Variants in ASB10 observed in about 807,000 individuals in gnomAD.
The protein encoded by ASB10 is ankyrin repeat and SOCS box containing 10, also known as ankyrin repeat and SOCS box protein 10.
ASB10 carries 44 observed loss-of-function variants against 35.4 expected under a neutral mutation model. The ratio of observed to expected loss-of-function variants is 1.24; its 90% CI spans 0.98 to 1.60. ASB10 has a LOEUF of 1.60. Among genes scored for constraint, ASB10 ranks in the 40% most tolerant of loss-of-function variants. The probability of loss-of-function intolerance (pLI) is 0.00; values close to 1 mark genes in which losing one functional copy is unlikely to be tolerated. For synonymous variants in ASB10, 294 were observed against 280.4 expected (o/e 1.05, Z -0.49); for missense variants, 647 against 634.3 (o/e 1.02, Z -0.22).
chr7:151,182,310 G>A lies in ASB10; in HGVS notation c.585-852C>T, dbSNP rs966130251. On this transcript the variant is annotated intron_variant, in intron 2 of 5. Coordinates refer to ENST00000420175, the MANE Select transcript of ASB10 (RefSeq NM_001142459.2). ...CAAGACTGATTGGCTGGGCATGGTG[G>A]CTCATGCCTATAATCCCAGCACTTT... Among the ~76,000 whole-genome samples, 23 of 152,210 alleles carry A rather than the reference G, an allele frequency of 1.5e-4. 1 individual carries two copies. The highest frequency in any genetic ancestry group is 3.2e-4 in the Non-Finnish European group (22 of 68,034).
Position 151,176,215 on chromosome 7 carries a change from C to A in ASB10, c.1301G>T (p.Arg434Leu), listed in dbSNP as rs758074125. Residue 434 changes from arginine (R) to leucine (L), a missense_variant, in exon 5 of 6, where the codon CGC (arginine) becomes CTC (leucine). Transcript: ENST00000420175. ...SLQHLSRCAL[R>L]SHLEGSLPQA... is the part of the protein sequence containing the mutation. ...GGGCAGGCTGCCCTCCAGGTGGGAG[C>A]GGAGCGCACAGCGGCTCAAATGCTG... 1 of 1,607,636 alleles carries A rather than the reference C, an allele frequency of 6.2e-7. No homozygotes were observed. Among genetic ancestry groups the A allele is most frequent in the Non-Finnish European group, 8.5e-7 (1 of 1,177,900 alleles).
intron 2 of ASB10, among the ~76,000 whole-genome samples, chr7:151,181,711 C>T (rs1801498967): frequency 6.6e-6 from 1 of 151,740 alleles, no homozygotes; most frequent in Admixed American, 6.6e-5. Context: ...CTCCCGGGTT[C>T]AAGCGATTCT....
At position 151,180,941 on chromosome 7, in the gene ASB10, TG is replaced by T; in HGVS notation, c.1101del (p.Lys368ArgfsTer16). The T allele has an allele frequency of 6.5e-7, 1 of 1,527,172 alleles. No individual in the cohort carries two copies. The allele number at this position is 1,527,172 out of a possible 1,614,324, so 94.6% of individuals were successfully genotyped here. ...CCTGCTGCCTGCAGCCCCCATACCT[TG>T]GGGAGGGCCCCTGGCCAGACACGGA... Reference protein sequence around the residue: ...GAVRVWPGALPKVLERWSTCP... With the variant: ...GAVRVWPGALXKVLERWSTCP... On this transcript the variant is annotated frameshift_variant, in exon 3 of 6. Transcript: ENST00000420175. LOFTEE classifies it high-confidence loss of function.
At position 151,181,176 on chromosome 7, in the gene ASB10, A is replaced by G. The variant is rs769580402; in HGVS notation, c.867T>C (p.Ala289=). 6.0e-5 allele frequency: 96 copies of G among 1,611,162 alleles called. No homozygotes were observed. The highest frequency in any genetic ancestry group is 7.6e-5 in the Non-Finnish European group (90 of 1,178,810). The part of the protein sequence containing the change: ...LLLSAGADAD[A]ADQDKQRPLH... The stretch of plus-strand genomic sequence containing the variant: ...GGGGTCGCTGCTTGTCCTGGTCCGC[A>G]GCATCAGCGTCTGCTCCAGCTGAAA... Residue 289 remains alanine (A), a synonymous_variant, in exon 3 of 6, where the codon GCT becomes GCC. Coordinates refer to ENST00000420175, the MANE Select transcript of ASB10 (RefSeq NM_001142459.2).
chr7:151,186,803 C>T lies in ASB10; in HGVS notation c.316+12G>A. ...CTCTCCCACTGAGAGCCCCCAGTGC[C>T]CCGGCCCGTACTCAGAGCACGGATG... On this transcript the variant is annotated intron_variant, in intron 1 of 5. Coordinates refer to ENST00000420175, the MANE Select transcript of ASB10 (RefSeq NM_001142459.2). 1.3e-6 allele frequency: 2 copies of T among 1,571,684 alleles called. No individual in the cohort carries two copies. The highest frequency in any genetic ancestry group is 1.7e-6 in the Non-Finnish European group (2 of 1,155,274).
chr7:151,180,943 G>A lies in ASB10; in HGVS notation c.1100C>T (p.Pro367Leu), dbSNP rs1801472880. 2 of 1,529,678 alleles carry A rather than the reference G, an allele frequency of 1.3e-6. No homozygotes were observed. Among genetic ancestry groups the A allele is most frequent in the African/African-American group, 1.4e-5 (1 of 72,928 alleles). 94.8% of individuals were successfully genotyped at this position (1,529,678 alleles called of 1,614,324 possible). The change falls in exon 3 of 6, where the codon CCC becomes CTC. Residue 367 changes from proline (P) to leucine (L), a missense_variant. Transcript: ENST00000420175. ...GAVRVWPGAL[P>L]KVLERWSTCP... ...TGCTGCCTGCAGCCCCCATACCTTG[G>A]GGAGGGCCCCTGGCCAGACACGGAC... is the stretch of plus-strand genomic sequence containing the variant.
Position 151,181,313 on chromosome 7 carries a change from G to A in ASB10, c.730C>T (p.Arg244Cys), listed in dbSNP as rs199755542. The part of the protein sequence containing the change: ...LLRRGACPDA[R>C]NAEGWTPLLA... ...AGTGGGGTCCAGCCTTCGGCATTGC[G>A]GGCATCAGGACATGCCCCCCGTCTT... Residue 244 changes from arginine (R) to cysteine (C), a missense_variant, in exon 3 of 6, where the codon CGC (arginine) becomes TGC (cysteine). Coordinates refer to ENST00000420175, the MANE Select transcript of ASB10 (RefSeq NM_001142459.2). The A allele has an allele frequency of 2.0e-5, 32 of 1,613,226 alleles. No individual in the cohort carries two copies. Among genetic ancestry groups the A allele is most frequent in the Middle Eastern group, 3.3e-4 (2 of 6,062 alleles).
chr7:151,185,446 A>G (rs1454903789), intron 2 of ASB10, among the ~76,000 whole-genome samples: 1 of 152,108 alleles, frequency 6.6e-6, no homozygotes, highest in Admixed American at 6.6e-5. Flanking sequence ...TAGGGCTGCT[A>G]GAACACTGTA....
intron 3 of ASB10, among the ~76,000 whole-genome samples, chr7:151,179,122 T>A (rs1801442155): frequency 6.6e-6 from 1 of 152,232 alleles, no homozygotes; most frequent in Non-Finnish European, 1.5e-5. Flanking sequence ...TTCTCATACA[T>A]TACATAACAA....
intron 2 of ASB10, among the ~76,000 whole-genome samples, chr7:151,181,911 C>T (rs1201147582): frequency 6.6e-6 from 1 of 152,148 alleles, no homozygotes; most frequent in East Asian, 1.9e-4. Context: ...CTGTGCCTGG[C>T]CAACAGTGTC....
chr7:151,181,533 G>A, intron 2 of ASB10, 75 bp from the exon 3 acceptor site: 1 of 1,470,188 alleles, frequency 6.8e-7, no homozygotes, highest in South Asian at 1.4e-5. Flanking sequence ...GTGGCTCTTG[G>A]TTCTGTCTCC....
intron 2 of ASB10, among the ~76,000 whole-genome samples, chr7:151,183,448 C>T (rs1801531117): frequency 6.6e-6 from 1 of 152,088 alleles, no homozygotes; most frequent in African/African-American, 2.4e-5. Context: ...CTCTCTGTCA[C>T]CCAGGCTGGA....
At position 151,186,915 on chromosome 7, in the gene ASB10, G is replaced by T; in HGVS notation, c.216C>A (p.Arg72=). The T allele has an allele frequency of 2.5e-6, 4 of 1,614,038 alleles. No individual in the cohort carries two copies. The highest frequency in any genetic ancestry group is 3.4e-6 in the Non-Finnish European group (4 of 1,180,034). Residue 72 remains arginine, a synonymous_variant, in exon 1 of 6, where the codon CGC becomes CGA. Transcript: ENST00000420175. ...VLAGDVGCVS[R]ILADSSTGLA... ...GGCCAGTACTGGAGTCCGCGAGGAT[G>T]CGGGAGACACAGCCCACGTCCCCAG...
intron 2 of ASB10, among the ~76,000 whole-genome samples, chr7:151,185,434 T>G (rs912809647): frequency 6.6e-6 from 1 of 152,110 alleles, no homozygotes; most frequent in South Asian, 2.1e-4. Flanking sequence ...TCATTTTTTT[T>G]ATAGGGCTGC....
Position 151,180,979 on chromosome 7 carries a change from T to C in ASB10, c.1064A>G (p.Asn355Ser). ...TGGCCAGACACGGACGGCGCCATGG[T>C]TGAGCAGAGCCCGAACCACGTGCTC... ...SPEHVVRALLNHGAVRVWPGA... is the reference protein window; with the variant it reads ...SPEHVVRALLSHGAVRVWPGA... The change falls in exon 3 of 6, where the codon AAC becomes AGC. Residue 355 changes from asparagine to serine, a missense_variant. Physicochemically the swap from Asn to Ser is conservative, Grantham distance 46. Coordinates refer to ENST00000420175, the MANE Select transcript of ASB10 (RefSeq NM_001142459.2). 2 of 1,586,138 alleles carry C rather than the reference T, an allele frequency of 1.3e-6. No homozygotes were observed. The highest frequency in any genetic ancestry group is 1.7e-6 in the Non-Finnish European group (2 of 1,161,548).
At chr7:151,187,594 C>G (rs754227246), upstream of ASB10, 1 of 1,547,978 alleles carries the variant, frequency 6.5e-7, no homozygotes, top group South Asian at 1.2e-5. The surrounding 1 kb of genome is among the most constrained non-coding windows in gnomAD (Gnocchi z 5.3). Context: ...CTTGGCAGAG[C>G]AGTGGTGATG....
At position 151,186,430 on chromosome 7, in the gene ASB10, T is replaced by C. The variant is rs1801592410; in HGVS notation, c.546A>G (p.Lys182=). ...ADPNIADQDG[K]RPLHLCRGPG... is the part of the protein sequence containing the mutation. Reference sequence around the variant, plus strand: ...GCCCCCGGCAGAGATGCAGGGGGCGTTTCCCATCCTGGTCAGCGATGTTGG... The same window carrying C: ...GCCCCCGGCAGAGATGCAGGGGGCGCTTCCCATCCTGGTCAGCGATGTTGG... Residue 182 remains lysine, a synonymous_variant, in exon 2 of 6, where the codon AAA becomes AAG. Coordinates refer to ENST00000420175, the MANE Select transcript of ASB10 (RefSeq NM_001142459.2). 6.3e-7 allele frequency: 1 copy of C among 1,588,240 alleles called. No individual in the cohort carries two copies. Among genetic ancestry groups the C allele is most frequent in the African/African-American group, 1.3e-5 (1 of 74,316 alleles).
intron 3 of ASB10, among the ~76,000 whole-genome samples, chr7:151,178,345 G>T (rs930202006): frequency 1.3e-5 from 2 of 152,256 alleles, no homozygotes; most frequent in Non-Finnish European, 2.9e-5. Flanking sequence ...TGGTGGTCCA[G>T]TGCAGCAAGC....
chr7:151,179,251 G>A (rs1801444618), intron 3 of ASB10, among the ~76,000 whole-genome samples: 1 of 152,214 alleles, frequency 6.6e-6, no homozygotes, highest in South Asian at 2.1e-4. Context: ...CAAAACTGAG[G>A]CCTAGGGAGA....
Sources: allele counts gnomAD v4.1 joint callset (sites outside exome capture counted in the v4.1 genomes callset), GRCh38; gene constraint gnomAD v4.1.1; non-coding constraint Gnocchi (gnomAD v3.1); transcripts MANE v1.5; gene names NCBI Gene and HGNC (gene_info 2026-07-23, HGNC 2026-07-21).